NALCN: variants seen among roughly 807,000 people sequenced by gnomAD.
The protein encoded by NALCN is sodium leak channel, non-selective, also known as sodium leak channel NALCN.
In NALCN, 111 loss-of-function variants were observed where a neutral mutation model predicts 225.3. The ratio of observed to expected loss-of-function variants is 0.49; its 90% CI spans 0.42 to 0.58. The LOEUF (loss-of-function observed/expected upper bound fraction) is 0.58, where lower values mean the gene tolerates loss of function less well. Ranked by LOEUF, NALCN falls within the 20% of genes least tolerant of loss-of-function variation. The pLI, the probability that NALCN is intolerant of heterozygous loss-of-function variation, is 0.00. For missense variants in NALCN, 1,378 were observed against 2,202.4 expected, an observed-to-expected ratio of 0.63 and a Z score of 7.49; for synonymous variants, 764 against 769.0, an observed-to-expected ratio of 0.99 and a Z score of 0.11.
intron 1 of NALCN, among the ~76,000 whole-genome samples, chr13:101,414,591 T>C (rs1474838624): frequency 1.3e-5 from 2 of 152,136 alleles, no homozygotes; most frequent in Non-Finnish European, 2.9e-5. Context: ...AGAAATGCCA[T>C]ACCCAAGAAG....
At chr13:101,311,408 G>A (rs2139145138) in intron 7 of NALCN, among the ~76,000 whole-genome samples, 1 of 150,824 alleles carries the variant, frequency 6.6e-6, no homozygotes, top group South Asian at 2.1e-4. Context: ...TTGAATAGGA[G>A]TGGTGAGAGA....
chr13:101,396,465 T>C (rs1210703434), intron 2 of NALCN, among the ~76,000 whole-genome samples: 1 of 152,106 alleles, frequency 6.6e-6, no homozygotes, highest in East Asian at 1.9e-4. Flanking sequence ...TGCAGCTATA[T>C]ATACTAGCAA....
chr13:101,326,924 CT>C, intron 7 of NALCN, among the ~76,000 whole-genome samples: 1 of 152,140 alleles, frequency 6.6e-6, no homozygotes, highest in Non-Finnish European at 1.5e-5. Context: ...CTAGACTGGG[CT>C]TCTCTCCATG....
chr13:101,217,458 C>T (rs17678721), intron 13 of NALCN, among the ~76,000 whole-genome samples: 30,703 of 152,042 alleles, frequency 0.2, 3,197 homozygotes, highest in East Asian at 0.37. Context: ...CTTGAGATGA[C>T]AAAGTTGTTT....
intron 10 of NALCN, among the ~76,000 whole-genome samples, chr13:101,279,698 TCCCAGCTACTTGGGA>T (rs2043085477): frequency 2.0e-5 from 3 of 148,722 alleles, no homozygotes; most frequent in Non-Finnish European, 4.5e-5. Flanking sequence ...GCGCCTGTAG[TCCCAGCTACTTGGGA>T]GGCTGAGGCA....
At position 101,055,634 on chromosome 13, in the gene NALCN, T is replaced by G. The variant is rs945089069; in HGVS notation, c.5024-146A>C. On this transcript the variant is annotated intron_variant, in intron 43 of 43. Transcript: ENST00000251127. Reference sequence around the variant, plus strand: ...GCTAAGTAAACATCCTTTTCAGGACTTGATTCTTTATGTTCACGATAGATT... The same window carrying G: ...GCTAAGTAAACATCCTTTTCAGGACGTGATTCTTTATGTTCACGATAGATT... The G allele has an allele frequency of 5.1e-6, 3 of 588,490 alleles. No individual in the cohort carries two copies. In the African/African-American group the frequency reaches 5.7e-5, roughly 11 times the overall value. The allele number at this position is 588,490 out of a possible 1,614,324, so 36.5% of individuals were successfully genotyped here.
chr13:101,321,654 A>G (rs1023803143), intron 7 of NALCN, among the ~76,000 whole-genome samples: 2 of 152,178 alleles, frequency 1.3e-5, no homozygotes, highest in African/African-American at 2.4e-5. Flanking sequence ...AAAGGCATCA[A>G]TCAATTGTAG....
At chr13:101,065,334 G>GCAGAGGCCTTGAAGGTA in intron 40 of NALCN, 70 bp downstream of exon 40, 4 of 1,522,778 alleles carry the variant, frequency 2.6e-6, no homozygotes, top group Non-Finnish European at 3.6e-6. Context: ...TAATTGTACT[G>GCAGAGGCCTTGAAGGTA]CAGAGGCCTT....
chr13:101,302,794 T>A (rs542259585), intron 7 of NALCN, among the ~76,000 whole-genome samples: 1 of 152,276 alleles, frequency 6.6e-6, no homozygotes, highest in Non-Finnish European at 1.5e-5. Flanking sequence ...AATAAAAATA[T>A]TCACAGAATT....
intron 17 of NALCN, among the ~76,000 whole-genome samples, chr13:101,131,410 T>C (rs1287018224): frequency 6.6e-6 from 1 of 152,112 alleles, no homozygotes; most frequent in Admixed American, 6.5e-5. Flanking sequence ...TCCCAAACAG[T>C]TTAGTATTTC....
intron 1 of NALCN, among the ~76,000 whole-genome samples, chr13:101,412,167 T>G (rs78698518): frequency 2.6e-5 from 4 of 152,200 alleles, no homozygotes; most frequent in Non-Finnish European, 4.4e-5. Flanking sequence ...ATCTGAAGAT[T>G]TGGATTGTTT....
chr13:101,350,967 C>T (rs1475528384), intron 6 of NALCN, among the ~76,000 whole-genome samples: 2 of 152,146 alleles, frequency 1.3e-5, no homozygotes, highest in Admixed American at 1.3e-4. Context: ...CTCTTTATAT[C>T]TGTATCTGTA....
Position 101,055,121 on chromosome 13 carries a change from C to T in NALCN, c.*174G>A, listed in dbSNP as rs985697989. 2 of 597,602 alleles carry T rather than the reference C, an allele frequency of 3.3e-6. No homozygotes were observed. Among genetic ancestry groups the T allele is most frequent in the Non-Finnish European group, 5.8e-6 (2 of 347,566 alleles). The allele number at this position is 597,602 out of a possible 1,614,324, so 37.0% of individuals were successfully genotyped here. A position where few individuals can be genotyped will look rare whatever the true frequency, so the allele number is the denominator to read the frequency against. On this transcript the variant is annotated 3_prime_UTR_variant, in exon 44 of 44. Coordinates refer to ENST00000251127, the MANE Select transcript of NALCN (RefSeq NM_052867.4). ...TTTTTTGAGCAATGATTGATAGTAA[C>T]CCATCATACATGCAGCTTATGCCTT...
chr13:101,211,649 A>G (rs1222441648), intron 13 of NALCN, among the ~76,000 whole-genome samples: 7 of 92,756 alleles, frequency 7.5e-5, no homozygotes, highest in Non-Finnish European at 2.1e-5. Context: ...ATGACAATAA[A>G]CTATATATAT....
At chr13:101,402,709 A>G (rs141845628) in intron 1 of NALCN, among the ~76,000 whole-genome samples, 1 of 152,200 alleles carries the variant, frequency 6.6e-6, no homozygotes, top group East Asian at 1.9e-4. Flanking sequence ...CCAGCTACTA[A>G]TTTAGAGAGG....
At position 101,055,312 on chromosome 13, in the gene NALCN, C is replaced by T; in HGVS notation, c.5200G>A (p.Asp1734Asn). ...LTVESDESGD[D>N]LLDI is the part of the protein sequence containing the mutation. The stretch of plus-strand genomic sequence containing the variant: ...ACATCCACCTAAATATCCAGAAGGT[C>T]ATCCCCACTTTCGTCGCTCTCCACA... Residue 1734 changes from aspartate (D) to asparagine (N), a missense_variant, in exon 44 of 44, where the codon GAC (aspartate) becomes AAC (asparagine). By Grantham distance (23) the Asp-to-Asn change is conservative (BLOSUM62 1). This residue lies in a region of NALCN where 145 missense variants were observed against 169.6 expected (regional missense o/e 0.85). Coordinates refer to ENST00000251127, the MANE Select transcript of NALCN (RefSeq NM_052867.4). 1 of 1,613,212 alleles carries T rather than the reference C, an allele frequency of 6.2e-7. No homozygotes were observed. The highest frequency in any genetic ancestry group is 8.5e-7 in the Non-Finnish European group (1 of 1,179,608).
intron 7 of NALCN, among the ~76,000 whole-genome samples, chr13:101,321,303 C>T (rs534811782): frequency 6.6e-6 from 1 of 151,888 alleles, no homozygotes; most frequent in Admixed American, 6.6e-5. Flanking sequence ...TGTGAACCAG[C>T]AATTCGTAGA....
chr13:101,166,113 G>A (rs1010511745), intron 15 of NALCN, among the ~76,000 whole-genome samples: 8 of 152,156 alleles, frequency 5.3e-5, no homozygotes, highest in East Asian at 3.9e-4. Context: ...ATTTCCTTGC[G>A]TGTAGATACC....
intron 7 of NALCN, among the ~76,000 whole-genome samples, chr13:101,296,455 A>T (rs1465218390): frequency 6.6e-6 from 1 of 152,196 alleles, no homozygotes; most frequent in Non-Finnish European, 1.5e-5. Context: ...TCATATATAA[A>T]CATAAAAACC....
Sources: gnomAD v4.1 joint callset for allele counts (sites outside exome capture counted in the v4.1 genomes callset) on GRCh38, gnomAD v4.1.1 for gene constraint, gnomAD v4.1.1 regional missense constraint, MANE v1.5 for transcripts, NCBI Gene and HGNC (gene_info 2026-07-23, HGNC 2026-07-21) for gene names.